Variants in ATXN1 observed in about 807,000 individuals in gnomAD.
ATXN1 encodes the protein ataxin-1.
A neutral mutation model predicts 56.4 loss-of-function variants in ATXN1; 8 were observed. That is an observed-to-expected ratio of 0.14 (90% confidence interval 0.08 to 0.26). The LOEUF (loss-of-function observed/expected upper bound fraction) is 0.26. Ranked by LOEUF, ATXN1 falls within the 10% of genes least tolerant of loss-of-function variation. The pLI, the probability that ATXN1 is intolerant of heterozygous loss-of-function variation, is 1.00. For synonymous variants in ATXN1, 514 were observed against 494.6 expected, an observed-to-expected ratio of 1.04 and a Z score of -0.52; for missense variants, 987 against 1,106.5, an observed-to-expected ratio of 0.89 and a Z score of 1.53.
At chr6:16,529,209 T>A (rs1218052586) in intron 4 of ATXN1, among the ~76,000 whole-genome samples, 4 of 111,604 alleles carry the variant, frequency 3.6e-5, no homozygotes, top group African/African-American at 2.2e-4. Context: ...GGGTTTTTTG[T>A]TTTTTTTTTT....
chr6:16,349,208 A>C (rs541756329), intron 6 of ATXN1, among the ~76,000 whole-genome samples: 25 of 152,326 alleles, frequency 1.6e-4, no homozygotes, highest in Admixed American at 1.4e-3. Flanking sequence ...TCTGCATAAA[A>C]AAATCACATT....
At chr6:16,628,078 CAAATAA>C (rs1460781607) in intron 3 of ATXN1, among the ~76,000 whole-genome samples, 1 of 152,168 alleles carries the variant, frequency 6.6e-6, no homozygotes, top group African/African-American at 2.4e-5. Flanking sequence ...AATAGCAGCA[CAAATAA>C]AAATAAACAG....
chr6:16,427,218 T>C (rs543877813), intron 6 of ATXN1, among the ~76,000 whole-genome samples: 4 of 152,300 alleles, frequency 2.6e-5, no homozygotes, highest in East Asian at 1.9e-4. Context: ...CTTGGCACTG[T>C]TGACATCTTG....
At chr6:16,652,414 A>G (rs141283083) in intron 3 of ATXN1, among the ~76,000 whole-genome samples, 9 of 152,304 alleles carry the variant, frequency 5.9e-5, no homozygotes, top group African/African-American at 2.2e-4. Flanking sequence ...AACTAGACAA[A>G]TGCTCTTTTA....
At chr6:16,344,228 C>T (rs995574293) in intron 6 of ATXN1, among the ~76,000 whole-genome samples, 1 of 152,196 alleles carries the variant, frequency 6.6e-6, no homozygotes, top group Admixed American at 6.5e-5. Flanking sequence ...ACCGTTTCCT[C>T]GACTATCCTC....
chr6:16,691,757 C>A (rs11752067), intron 2 of ATXN1, among the ~76,000 whole-genome samples: 48,625 of 152,148 alleles, frequency 0.32, 7,877 homozygotes, highest in Non-Finnish European at 0.35. Context: ...AAAGTGGTCA[C>A]TGTTTATGCC....
At chr6:16,363,000 C>T (rs1321834499) in intron 6 of ATXN1, among the ~76,000 whole-genome samples, 1 of 152,216 alleles carries the variant, frequency 6.6e-6, no homozygotes, top group Non-Finnish European at 1.5e-5. Flanking sequence ...CACAAATATA[C>T]AGCGATATAA....
At chr6:16,378,007 G>A (rs537246497) in intron 6 of ATXN1, among the ~76,000 whole-genome samples, 1 of 152,312 alleles carries the variant, frequency 6.6e-6, no homozygotes, top group East Asian at 1.9e-4. Flanking sequence ...CCTACTTCAT[G>A]GCAAGGAGGG....
At chr6:16,597,486 T>C (rs957773642) in intron 3 of ATXN1, among the ~76,000 whole-genome samples, 1 of 151,038 alleles carries the variant, frequency 6.6e-6, no homozygotes, top group African/African-American at 2.4e-5. Flanking sequence ...TCACCCAGGC[T>C]GGAGTGCAGT....
chr6:16,460,564 G>A (rs2113625480), intron 6 of ATXN1, among the ~76,000 whole-genome samples: 1 of 152,320 alleles, frequency 6.6e-6, no homozygotes, highest in African/African-American at 2.4e-5. Flanking sequence ...TACTCATTCA[G>A]GGACTGGTGC....
intron 5 of ATXN1, among the ~76,000 whole-genome samples, chr6:16,515,532 G>A (rs73368708): frequency 0.038 from 5,801 of 152,154 alleles, 368 homozygotes; most frequent in African/African-American, 0.13. Flanking sequence ...TAATACACAC[G>A]TAGCGAATGT....
At chr6:16,740,044 T>C (rs896222982) in intron 2 of ATXN1, 4 of 325,292 alleles carry the variant, frequency 1.2e-5, no homozygotes, top group African/African-American at 6.4e-5. Flanking sequence ...GAGAGATAGA[T>C]GGCCTTTGTC....
At chr6:16,561,361 A>C (rs2113739252) in intron 4 of ATXN1, among the ~76,000 whole-genome samples, 1 of 152,336 alleles carries the variant, frequency 6.6e-6, no homozygotes, top group Middle Eastern at 3.4e-3. Flanking sequence ...ATTTTGGTTC[A>C]GACTATACAA....
chr6:16,642,626 G>C (rs2113822186), intron 3 of ATXN1, among the ~76,000 whole-genome samples: 1 of 152,242 alleles, frequency 6.6e-6, no homozygotes, highest in Middle Eastern at 3.4e-3. Flanking sequence ...TTCATGAAAG[G>C]AAGAGTCAAT....
intron 4 of ATXN1, among the ~76,000 whole-genome samples, chr6:16,535,466 C>T (rs1761578452): frequency 1.3e-5 from 2 of 152,178 alleles, no homozygotes; most frequent in Non-Finnish European, 2.9e-5. Context: ...TCTCAAAGAG[C>T]TGCCAATGGC....
chr6:16,682,656 C>T (rs1581361553), intron 2 of ATXN1, among the ~76,000 whole-genome samples: 1 of 152,196 alleles, frequency 6.6e-6, no homozygotes, highest in African/African-American at 2.4e-5. Context: ...CCATGATAAG[C>T]CAGTGACAAA....
intron 6 of ATXN1, among the ~76,000 whole-genome samples, chr6:16,417,091 G>A (rs193033181): frequency 6.6e-6 from 1 of 152,304 alleles, no homozygotes; most frequent in Non-Finnish European, 1.5e-5. Context: ...GAGGGCAGTG[G>A]TGTAATCATA....
At chr6:16,504,161 T>C (rs898924804) in intron 5 of ATXN1, among the ~76,000 whole-genome samples, 1 of 152,188 alleles carries the variant, frequency 6.6e-6, no homozygotes, top group Non-Finnish European at 1.5e-5. Flanking sequence ...TCCTGCCTAC[T>C]AGCTTAGCTA....
intron 3 of ATXN1, among the ~76,000 whole-genome samples, chr6:16,625,120 C>G (rs1295863804): frequency 6.6e-6 from 1 of 152,234 alleles, no homozygotes; most frequent in African/African-American, 2.4e-5. Flanking sequence ...CCCACTCCCA[C>G]TCCCACATCG....
Sources: allele counts gnomAD v4.1 joint callset (sites outside exome capture counted in the v4.1 genomes callset), GRCh38; gene constraint gnomAD v4.1.1; transcripts MANE v1.5; gene names NCBI Gene and HGNC (gene_info 2026-07-23, HGNC 2026-07-21).